DISC1: variants seen among roughly 807,000 people sequenced by gnomAD.
DISC1 encodes disrupted in schizophrenia 1 protein.
In DISC1, 57 loss-of-function variants were observed where a neutral mutation model predicts 84.5. The observed-to-expected ratio is 0.67, with a 90% CI of 0.55 to 0.84. DISC1 has a LOEUF of 0.84. Among genes scored for constraint, DISC1 ranks in the 40% least tolerant of loss-of-function variants. The pLI is 0.00. For synonymous variants in DISC1, 411 were observed against 415.2 expected (o/e 0.99, Z 0.12); for missense variants, 1,000 against 1,057.8 (o/e 0.95, Z 0.76).
At chr1:231,820,040 T>C (rs1172513794) in intron 9 of DISC1, among the ~76,000 whole-genome samples, 1 of 152,184 alleles carries the variant, frequency 6.6e-6, no homozygotes, top group Non-Finnish European at 1.5e-5. Context: ...GAATGAGAGA[T>C]TGTTACCATG....
At chr1:231,800,907 C>G (rs1384981670) in intron 8 of DISC1, among the ~76,000 whole-genome samples, 1 of 151,172 alleles carries the variant, frequency 6.6e-6, no homozygotes, top group Non-Finnish European at 1.5e-5. Context: ...AAGTCCAGGC[C>G]CTCTCTCGGT....
At chr1:231,977,532 A>G (rs932082520) in intron 10 of DISC1, among the ~76,000 whole-genome samples, 1 of 152,122 alleles carries the variant, frequency 6.6e-6, no homozygotes, top group Non-Finnish European at 1.5e-5. Flanking sequence ...CTTCCCTCTT[A>G]TAAGAACCTT....
rs71573149 is a variant in DISC1 at position 231,969,186 on chromosome 1, G to GTTTTTTTTTTT, written c.2042+10313_2042+10323dup. ...CTCCTGATTATCCAAACACTCAGCG[G>GTTTTTTTTTTT]TTTTTTTTTTTTTTTTTTTTTTTTT... On this transcript the variant is annotated intron_variant, in intron 10 of 12. Transcript: ENST00000439617. 8.2e-4 allele frequency among the ~76,000 whole-genome samples: 75 copies of GTTTTTTTTTTT among 91,666 alleles called. 1 individual carries two copies. The highest frequency in any genetic ancestry group is 1.2e-3 in the Non-Finnish European group (57 of 48,762). 60.1% of individuals were successfully genotyped at this position (91,666 alleles called of 152,430 possible). A position where few individuals can be genotyped will look rare whatever the true frequency, so the allele number is the denominator to read the frequency against.
intron 9 of DISC1, among the ~76,000 whole-genome samples, chr1:231,920,905 ATTTTTT>A (rs34325068): frequency 8.9e-6 from 1 of 112,940 alleles, no homozygotes. Flanking sequence ...CTGAACTGCT[ATTTTTT>A]TTTTTTTTTT....
chr1:231,655,349 T>C (rs776881127), intron 1 of DISC1, among the ~76,000 whole-genome samples: 12 of 152,310 alleles, frequency 7.9e-5, no homozygotes, highest in South Asian at 6.2e-4. Context: ...AAGTACAGTG[T>C]TTGGTTTTCC....
chr1:231,784,594 TCTAAA>T (rs1438163742), intron 6 of DISC1, among the ~76,000 whole-genome samples: 1 of 152,246 alleles, frequency 6.6e-6, no homozygotes, highest in African/African-American at 2.4e-5. Flanking sequence ...GTCAGATTAC[TCTAAA>T]ATATTTTCTT....
At chr1:232,002,003 A>G (rs959126061) in intron 10 of DISC1, among the ~76,000 whole-genome samples, 2 of 152,226 alleles carry the variant, frequency 1.3e-5, no homozygotes, top group Non-Finnish European at 2.9e-5. Context: ...AAGTATTAGT[A>G]TGTACAATGT....
intron 10 of DISC1, among the ~76,000 whole-genome samples, chr1:231,994,967 A>G (rs751834984): frequency 2.6e-5 from 4 of 152,218 alleles, no homozygotes; most frequent in Non-Finnish European, 4.4e-5. Context: ...GTTTCAACCA[A>G]CAATGACCTC....
intron 6 of DISC1, among the ~76,000 whole-genome samples, chr1:231,789,875 G>A (rs2078188641): frequency 6.6e-6 from 1 of 151,998 alleles, no homozygotes. Flanking sequence ...GTATTGAAGG[G>A]AGCCCTTTTT....
At chr1:231,818,243 A>G (rs1270394796) in intron 8 of DISC1, 86 bp from the exon 9 acceptor site, 3 of 1,340,866 alleles carry the variant, frequency 2.2e-6, no homozygotes, top group South Asian at 1.2e-5. Flanking sequence ...CATGCTGTGA[A>G]TGTACATTAG....
chr1:232,010,432 C>T lies in DISC1; in HGVS notation c.2307+1383C>T, dbSNP rs202190164. 1.1e-3 allele frequency among the ~76,000 whole-genome samples: 164 copies of T among 152,138 alleles called. 2 individuals are homozygous for T. Among genetic ancestry groups the T allele is most frequent in the Admixed American group, 5.0e-3 (76 of 15,272 alleles). ...CCAAAGTGAGCTACCAGGAGGAGCT[C>T]GGTGTGGGGCAGTCAGAAGCCATGC... On this transcript the variant is annotated intron_variant, in intron 11 of 12. Transcript: ENST00000439617.
chr1:231,968,842 G>T (rs894453801), intron 10 of DISC1, among the ~76,000 whole-genome samples: 19 of 151,966 alleles, frequency 1.3e-4, no homozygotes, highest in African/African-American at 4.6e-4. Context: ...TAGATTCAAG[G>T]GTGGCCATTT....
At chr1:231,889,890 C>A (rs1223775507) in intron 9 of DISC1, among the ~76,000 whole-genome samples, 1 of 152,154 alleles carries the variant, frequency 6.6e-6, no homozygotes, top group African/African-American at 2.4e-5. Context: ...CAAAAATTAC[C>A]TTCACAAAAG....
At chr1:231,798,130 C>CACACACACACACACACACACAT (rs1269185858) in intron 7 of DISC1, among the ~76,000 whole-genome samples, 1 of 151,360 alleles carries the variant, frequency 6.6e-6, no homozygotes, top group Admixed American at 6.6e-5. Context: ...CACACACACA[C>CACACACACACACACACACACAT]ACACATACAC....
chr1:231,634,652 T>C (rs2059036683), intron 1 of DISC1, among the ~76,000 whole-genome samples: 1 of 152,232 alleles, frequency 6.6e-6, no homozygotes. Flanking sequence ...CTAGAGACAT[T>C]AACTTATCCA....
rs1659155995 is a variant in DISC1, at chr1:231,954,917, T to G, written c.1982-3911T>G. Among the ~76,000 whole-genome samples the G allele has an allele frequency of 6.6e-6, 1 of 152,098 alleles. No homozygotes were observed. The highest frequency in any genetic ancestry group is 6.5e-5 in the Admixed American group (1 of 15,272). ...AGAAAGTAATAGTTCAACATAGCAT[T>G]CTCCTTAGATGGCAGCCTCCAGGCA... On this transcript the variant is annotated intron_variant, in intron 9 of 12. Coordinates refer to ENST00000439617, the MANE Select transcript of DISC1 (RefSeq NM_018662.3). This position sits in a 1 kb window ranked among gnomAD's most constrained non-coding sequence, Gnocchi z 4.8.
At chr1:232,032,482 C>T (rs560869727) in intron 12 of DISC1, among the ~76,000 whole-genome samples, 2 of 152,310 alleles carry the variant, frequency 1.3e-5, no homozygotes, top group African/African-American at 4.8e-5. Context: ...TACATGCTTA[C>T]CTACCATGTG....
chr1:231,899,461 G>A (rs369806822), intron 9 of DISC1, among the ~76,000 whole-genome samples: 1 of 152,174 alleles, frequency 6.6e-6, no homozygotes, highest in Admixed American at 6.5e-5. Flanking sequence ...CTCATCAAAA[G>A]GGTCTTGGTC....
chr1:231,692,732 C>G (rs2125647630), intron 1 of DISC1, among the ~76,000 whole-genome samples: 1 of 152,280 alleles, frequency 6.6e-6, no homozygotes, highest in South Asian at 2.1e-4. Flanking sequence ...TCTGTGTGGG[C>G]CAGTAGAGTC....
Sources: allele counts gnomAD v4.1 joint callset (sites outside exome capture counted in the v4.1 genomes callset), GRCh38; gene constraint gnomAD v4.1.1; non-coding constraint Gnocchi (gnomAD v3.1); transcripts MANE v1.5; gene names NCBI Gene and HGNC (gene_info 2026-07-23, HGNC 2026-07-21).